Variants in JARID2 observed in about 807,000 individuals in gnomAD.
The protein encoded by JARID2 is protein Jumonji.
JARID2 carries 21 observed loss-of-function variants against 125.6 expected under a neutral mutation model. The ratio of observed to expected loss-of-function variants is 0.17; its 90% confidence interval spans 0.12 to 0.24. The LOEUF (loss-of-function observed/expected upper bound fraction) is 0.24. JARID2 is among the 10% of genes least tolerant of loss of function. JARID2 has a pLI of 1.00. For missense variants in JARID2, 1,303 were observed against 1,639.6 expected (o/e 0.79, Z 3.55); for synonymous variants, 736 against 661.6 (o/e 1.11, Z -1.73).
intron 2 of JARID2, among the ~76,000 whole-genome samples, chr6:15,406,018 G>T (rs1765634381): frequency 6.6e-6 from 1 of 151,902 alleles, no homozygotes; most frequent in African/African-American, 2.4e-5. Context: ...CATGTAGGCT[G>T]TCTGACTATT....
At chr6:15,269,220 C>G (rs1266870798) in intron 1 of JARID2, among the ~76,000 whole-genome samples, 3 of 152,156 alleles carry the variant, frequency 2.0e-5, no homozygotes, top group Non-Finnish European at 2.9e-5. Context: ...GTGCCCTGTT[C>G]CCTGTGCTCC....
At chr6:15,263,347 A>G (rs901711738) in intron 1 of JARID2, among the ~76,000 whole-genome samples, 1 of 152,036 alleles carries the variant, frequency 6.6e-6, no homozygotes, top group Non-Finnish European at 1.5e-5. Context: ...GCAGAGGACT[A>G]TGGGGAGTAG....
At chr6:15,391,217 C>G (rs1764988947) in intron 2 of JARID2, among the ~76,000 whole-genome samples, 1 of 152,172 alleles carries the variant, frequency 6.6e-6, no homozygotes, top group African/African-American at 2.4e-5. Flanking sequence ...GCTGAGACTG[C>G]TGCGGCCCTG....
chr6:15,263,360 T>A (rs535927237), intron 1 of JARID2, among the ~76,000 whole-genome samples: 1 of 152,178 alleles, frequency 6.6e-6, no homozygotes, highest in Non-Finnish European at 1.5e-5. Flanking sequence ...GGGAGTAGAA[T>A]GACCTAGAAA....
chr6:15,414,745 C>G (rs1324164085), intron 3 of JARID2, among the ~76,000 whole-genome samples: 2 of 151,580 alleles, frequency 1.3e-5, no homozygotes, highest in Admixed American at 6.6e-5. Context: ...TTCTTTTGAT[C>G]ATTGTGGTGG....
chr6:15,287,786 A>C (rs142360100), intron 1 of JARID2, among the ~76,000 whole-genome samples: 110 of 152,300 alleles, frequency 7.2e-4, no homozygotes, highest in African/African-American at 2.6e-3. Flanking sequence ...GCCCATGTTA[A>C]ACATGCCCAT....
At chr6:15,393,172 A>C (rs1054096270) in intron 2 of JARID2, among the ~76,000 whole-genome samples, 2 of 151,190 alleles carry the variant, frequency 1.3e-5, no homozygotes, top group African/African-American at 2.4e-5. Context: ...AGCTATCCTC[A>C]TGGTGTGTTA....
At chr6:15,250,511 C>CTT (rs1759404382) in intron 1 of JARID2, among the ~76,000 whole-genome samples, 1 of 152,128 alleles carries the variant, frequency 6.6e-6, no homozygotes, top group Non-Finnish European at 1.5e-5. Context: ...AGGTGCAGGG[C>CTT]AGTGGCAGTT....
At chr6:15,366,429 A>G (rs1358706532) in intron 1 of JARID2, among the ~76,000 whole-genome samples, 1 of 144,090 alleles carries the variant, frequency 6.9e-6, no homozygotes. Context: ...GAGTCAGGAA[A>G]AGCACTTCTT....
chr6:15,302,142 G>T (rs1178761260), intron 1 of JARID2, among the ~76,000 whole-genome samples: 1 of 152,144 alleles, frequency 6.6e-6, no homozygotes, highest in Non-Finnish European at 1.5e-5. Flanking sequence ...GAGGCCGGGT[G>T]CAGTGGCTCA....
chr6:15,296,053 CACAA>C (rs1323628513), intron 1 of JARID2, among the ~76,000 whole-genome samples: 1 of 152,234 alleles, frequency 6.6e-6, no homozygotes, highest in African/African-American at 2.4e-5. Flanking sequence ...GACTCTCGTG[CACAA>C]AAGTATTTCG....
chr6:15,399,393 G>A (rs2127552919), intron 2 of JARID2, among the ~76,000 whole-genome samples: 1 of 152,276 alleles, frequency 6.6e-6, no homozygotes, highest in Non-Finnish European at 1.5e-5. Context: ...TGGGGGAATT[G>A]TAGTAGAGTA....
At chr6:15,504,789 A>G (rs1329949129) in intron 9 of JARID2, among the ~76,000 whole-genome samples, 197 bp downstream of exon 9, 1 of 152,176 alleles carries the variant, frequency 6.6e-6, no homozygotes, top group African/African-American at 2.4e-5. Context: ...CTTGTTCACA[A>G]GCCAAAAACA....
chr6:15,327,937 G>A (rs1039468479), intron 1 of JARID2, among the ~76,000 whole-genome samples: 1 of 152,030 alleles, frequency 6.6e-6, no homozygotes, highest in Admixed American at 6.6e-5. Flanking sequence ...GTTTGTATTT[G>A]TCTCCACACA....
At chr6:15,292,183 AT>A (rs1001782685) in intron 1 of JARID2, among the ~76,000 whole-genome samples, 105 of 146,332 alleles carry the variant, frequency 7.2e-4, no homozygotes, top group African/African-American at 1.7e-3. Context: ...CGCCCGGCTA[AT>A]TTTTTTTTTT....
intron 3 of JARID2, among the ~76,000 whole-genome samples, chr6:15,417,732 ACT>A (rs768895926): frequency 2.0e-4 from 30 of 152,036 alleles, no homozygotes; most frequent in Non-Finnish European, 3.8e-4. Flanking sequence ...ACAGATCCAG[ACT>A]CTGTCTCAAA....
intron 1 of JARID2, among the ~76,000 whole-genome samples, chr6:15,355,811 A>G (rs1763579903): frequency 6.6e-6 from 1 of 152,148 alleles, no homozygotes; most frequent in Non-Finnish European, 1.5e-5. Context: ...GGGTTTTGCC[A>G]TGTTGGCCAG....
intron 1 of JARID2, among the ~76,000 whole-genome samples, chr6:15,254,962 A>G (rs1420631748): frequency 6.6e-6 from 1 of 151,378 alleles, no homozygotes; most frequent in Non-Finnish European, 1.5e-5. Flanking sequence ...GAATTACTTG[A>G]GGAGGATGGA....
intron 1 of JARID2, among the ~76,000 whole-genome samples, chr6:15,305,864 A>T (rs1299042148): frequency 6.6e-6 from 1 of 152,202 alleles, no homozygotes; most frequent in African/African-American, 2.4e-5. Flanking sequence ...TTTACAAGGG[A>T]GTTCACTATA....
Sources: gnomAD v4.1 joint callset for allele counts (sites outside exome capture counted in the v4.1 genomes callset) on GRCh38, gnomAD v4.1.1 for gene constraint, MANE v1.5 for transcripts, NCBI Gene and HGNC (gene_info 2026-07-23, HGNC 2026-07-21) for gene names.